PRKD3: variants seen among roughly 807,000 people sequenced by gnomAD.
PRKD3 encodes serine/threonine-protein kinase D3.
A neutral mutation model predicts 99.2 loss-of-function variants in PRKD3; 47 were observed. The ratio of observed to expected loss-of-function variants is 0.47; its 90% CI spans 0.38 to 0.60. PRKD3 has a LOEUF of 0.60. Among genes scored for constraint, PRKD3 ranks in the 20% least tolerant of loss-of-function variants. The probability of loss-of-function intolerance (pLI) is 0.00; values close to 1 mark genes in which losing one functional copy is unlikely to be tolerated. For synonymous variants in PRKD3, 392 were observed against 355.4 expected (o/e 1.10, Z -1.16); for missense variants, 1,019 against 1,088.4 (o/e 0.94, Z 0.90).
chr2:37,293,109 C>T lies in PRKD3; in HGVS notation c.427+24G>A, dbSNP rs141444873. 519 of 1,526,814 alleles carry T rather than the reference C, an allele frequency of 3.4e-4. 2 individuals are homozygous for T. In the African/African-American group the frequency reaches 6.4e-3, roughly 19 times the overall value. 94.6% of individuals were successfully genotyped at this position (1,526,814 alleles called of 1,614,324 possible). On this transcript the variant is annotated intron_variant, in intron 3 of 18. Coordinates refer to ENST00000234179, the MANE Select transcript of PRKD3 (RefSeq NM_005813.6). ...AGGCTCTTTGAGGGGAAAAGGCAAT[C>T]ACTCTAAAAAGCCACTTACTTACCT...
intron 11 of PRKD3, among the ~76,000 whole-genome samples, chr2:37,274,060 A>C (rs1669437872): frequency 6.6e-6 from 1 of 152,188 alleles, no homozygotes; most frequent in African/African-American, 2.4e-5. Context: ...GACTTTACGG[A>C]TGCCAAGCAC....
chr2:37,275,486 A>C (rs1283633429), intron 10 of PRKD3, among the ~76,000 whole-genome samples: 3 of 152,186 alleles, frequency 2.0e-5, no homozygotes, highest in African/African-American at 7.2e-5. Flanking sequence ...TAAGCAGTCT[A>C]ATCTAAATCA....
At chr2:37,314,683 TAGAG>T (rs3836068) in intron 2 of PRKD3, among the ~76,000 whole-genome samples, 3 of 152,008 alleles carry the variant, frequency 2.0e-5, no homozygotes, top group Non-Finnish European at 4.4e-5. Context: ...AACTAAATCA[TAGAG>T]AGTCATCAAA....
intron 8 of PRKD3, 59 bp downstream of exon 8, chr2:37,279,687 A>T: frequency 2.2e-6 from 3 of 1,369,460 alleles, no homozygotes. Flanking sequence ...GCTTTTTCTT[A>T]ATGAGATCCT....
At chr2:37,263,385 T>C (rs1668611140) in intron 14 of PRKD3, among the ~76,000 whole-genome samples, 1 of 152,234 alleles carries the variant, frequency 6.6e-6, no homozygotes, top group South Asian at 2.1e-4. Flanking sequence ...TTTTTTGAAT[T>C]AATGAGGCAT....
rs1416304907 is a variant in PRKD3, at chr2:37,256,742, T to G, written c.2333A>C (p.Glu778Ala). 6.2e-7 allele frequency: 1 copy of G among 1,608,676 alleles called. No individual in the cohort carries two copies. The highest frequency in any genetic ancestry group is 1.3e-5 in the African/African-American group (1 of 74,156). ...VSLSGTFPFN[E>A]DEDINDQIQN... ...GATTTGGTCATTTATATCTTCATCC[T>G]CATTAAAAGGAAATGTGCCACTGAG... Residue 778 changes from glutamate to alanine, a missense_variant, in exon 17 of 19, where the codon GAG becomes GCG. By Grantham distance (107) the Glu-to-Ala change is moderately radical. Around this residue, in one of 3 missense-constraint regions of PRKD3, gnomAD observed 184 missense variants for 275.1 expected, o/e 0.67. Transcript: ENST00000234179.
In PRKD3 at chr2:37,253,311, G is replaced by A. The variant is rs772985780; in HGVS notation, c.2539C>T (p.Arg847Cys). 7 of 1,612,810 alleles carry A rather than the reference G, an allele frequency of 4.3e-6. No homozygotes were observed. Among genetic ancestry groups the A allele is most frequent in the Admixed American group, 1.7e-5 (1 of 59,954 alleles). The change falls in exon 19 of 19, where the codon CGC becomes TGC. Residue 847 changes from arginine to cysteine, a missense_variant. Coordinates refer to ENST00000234179, the MANE Select transcript of PRKD3 (RefSeq NM_005813.6). ...TWLDLREFET[R>C]IGERYITHES... ...TGTGTAATGTAACGTTCTCCAATGC[G>A]AGTTTCAAATTCTCTAAGGTCAAGC...
chr2:37,280,248 T>C lies in PRKD3; in HGVS notation c.989-319A>G, dbSNP rs546490579. 6.7e-4 allele frequency among the ~76,000 whole-genome samples: 102 copies of C among 152,170 alleles called. 1 individual carries two copies. Among genetic ancestry groups the C allele is most frequent in the Admixed American group, 1.6e-3 (24 of 15,286 alleles). ...TTAGTAGAGATGGGGTTTCGCCATG[T>C]TGGCCAGGCTGGTCTCGAACTCCTG... On this transcript the variant is annotated intron_variant, in intron 7 of 18. Coordinates refer to ENST00000234179, the MANE Select transcript of PRKD3 (RefSeq NM_005813.6).
At chr2:37,296,620 G>A (rs901304694) in intron 2 of PRKD3, among the ~76,000 whole-genome samples, 6 of 151,992 alleles carry the variant, frequency 3.9e-5, no homozygotes, top group African/African-American at 1.2e-4. Context: ...GAGTCAGGCC[G>A]GGCGCAGTGG....
chr2:37,251,788 C>G lies in PRKD3; in HGVS notation c.*1389G>C, dbSNP rs1399589408. On this transcript the variant is annotated 3_prime_UTR_variant, in exon 19 of 19. Transcript: ENST00000234179. The stretch of plus-strand genomic sequence containing the variant: ...ACAGACTGAGGAACTGCCGACAGAC[C>G]TGCCATCTGTCCAGGCCAACATAAC... The G allele has an allele frequency of 6.6e-6, 1 of 152,006 alleles. No individual in the cohort carries two copies. The highest frequency in any genetic ancestry group is 1.5e-5 in the Non-Finnish European group (1 of 67,994). The allele number at this position is 152,006 out of a possible 1,614,324, so 9.4% of individuals were successfully genotyped here.
At chr2:37,271,626 T>G (rs1669270387) in intron 12 of PRKD3, among the ~76,000 whole-genome samples, 1 of 152,178 alleles carries the variant, frequency 6.6e-6, no homozygotes, top group South Asian at 2.1e-4. Flanking sequence ...TCCTGCCATA[T>G]CAGCAGAGGC....
chr2:37,276,829 T>C (rs190372122), intron 9 of PRKD3, among the ~76,000 whole-genome samples: 5 of 120,068 alleles, frequency 4.2e-5, no homozygotes, highest in African/African-American at 1.0e-4. Flanking sequence ...TACATATATA[T>C]TCATATATAT....
rs1232725820 is a variant in PRKD3 at position 37,286,997 on chromosome 2, G to A, written c.718-628C>T. 4.6e-5 allele frequency among the ~76,000 whole-genome samples: 7 copies of A among 151,978 alleles called. No homozygotes were observed. In the East Asian group the frequency reaches 9.7e-4, roughly 21 times the overall value. ...TGTAATCCTAACACTTTGGGAGGCC[G>A]AGGTGGGCGGATCACCTGAGGTCAG... On this transcript the variant is annotated intron_variant, in intron 5 of 18. Transcript: ENST00000234179.
chr2:37,299,785 G>C (rs1342458235), intron 2 of PRKD3, among the ~76,000 whole-genome samples: 1 of 152,034 alleles, frequency 6.6e-6, no homozygotes, highest in Non-Finnish European at 1.5e-5. Flanking sequence ...TATATGAAAA[G>C]ATACTCAACA....
intron 4 of PRKD3, 83 bp downstream of exon 4, chr2:37,290,785 G>A (rs952882810): frequency 2.0e-5 from 29 of 1,415,308 alleles, no homozygotes; most frequent in African/African-American, 1.3e-4. Flanking sequence ...TCAACAGCTC[G>A]TCATCTTGCT....
intron 1 of PRKD3, among the ~76,000 whole-genome samples, chr2:37,318,510 G>A (rs1348556627): frequency 1.3e-5 from 2 of 152,206 alleles, no homozygotes; most frequent in South Asian, 2.1e-4. Flanking sequence ...GTCTCCACAA[G>A]AACACACTAT....
At chr2:37,300,016 G>A (rs893791137) in intron 2 of PRKD3, among the ~76,000 whole-genome samples, 6 of 152,090 alleles carry the variant, frequency 3.9e-5, no homozygotes, top group African/African-American at 1.4e-4. Flanking sequence ...CAGCAATCTC[G>A]CTACAGGGTA....
chr2:37,306,751 G>A (rs1671187627), intron 2 of PRKD3, among the ~76,000 whole-genome samples: 1 of 152,204 alleles, frequency 6.6e-6, no homozygotes, highest in Admixed American at 6.5e-5. Flanking sequence ...CAAGGCTGCA[G>A]TGAGCCGTGA....
chr2:37,320,027 A>C (rs897277427), intron 1 of PRKD3, among the ~76,000 whole-genome samples: 6 of 152,216 alleles, frequency 3.9e-5, no homozygotes, highest in African/African-American at 1.4e-4. Context: ...AAGTTTTAGC[A>C]ATTTTCACAG....
Sources: allele counts gnomAD v4.1 joint callset (sites outside exome capture counted in the v4.1 genomes callset), GRCh38; gene constraint gnomAD v4.1.1; regional missense constraint gnomAD v4.1.1; transcripts MANE v1.5; gene names NCBI Gene and HGNC (gene_info 2026-07-23, HGNC 2026-07-21).